Variants in APOBEC3F observed in about 807,000 individuals in gnomAD.
APOBEC3F encodes the protein DNA dC->dU-editing enzyme APOBEC-3F.
A neutral mutation model predicts 45.8 loss-of-function variants in APOBEC3F; 34 were observed. That is an observed-to-expected ratio of 0.74 (90% confidence interval 0.57 to 0.99). The LOEUF is 0.99. APOBEC3F is among the 50% of genes least tolerant of loss of function. The probability of loss-of-function intolerance (pLI) is 0.00; values close to 1 mark genes in which losing one functional copy is unlikely to be tolerated. For missense variants in APOBEC3F, 459 were observed against 474.1 expected, an observed-to-expected ratio of 0.97 and a Z score of 0.30; for synonymous variants, 192 against 174.4, an observed-to-expected ratio of 1.10 and a Z score of -0.80.
chr22:39,041,966 G>A (rs1282389751), intron 1 of APOBEC3F, among the ~76,000 whole-genome samples: 1 of 152,212 alleles, frequency 6.6e-6, no homozygotes, highest in Non-Finnish European at 1.5e-5. Context: ...AGAGAGTCTG[G>A]TCCCCAATGG....
At chr22:39,048,578 C>T (rs190258893) in intron 4 of APOBEC3F, among the ~76,000 whole-genome samples, 3 of 151,514 alleles carry the variant, frequency 2.0e-5, no homozygotes, top group Non-Finnish European at 4.4e-5. Flanking sequence ...GGGAGGCAGG[C>T]GGGCAGATCA....
rs747317370 is a variant in APOBEC3F, at chr22:39,044,221, G to C, written c.172-720G>C. The C allele has an allele frequency of 5.0e-6, 8 of 1,604,428 alleles. No homozygotes were observed. In the Admixed American group the frequency reaches 1.2e-4, roughly 24 times the overall value. On this transcript the variant is annotated intron_variant, in intron 2 of 6. Transcript: ENST00000308521. ...CAGGGAACAAGGCAGACCCTAGAGG[G>C]CCAGGCCACAGCAGGGGCTGAGGAT...
At chr22:39,047,262 ACCGGGTGGGGGGCGTC>A (rs1239698677) in intron 4 of APOBEC3F, among the ~76,000 whole-genome samples, 1 of 152,022 alleles carries the variant, frequency 6.6e-6, no homozygotes, top group Non-Finnish European at 1.5e-5. Flanking sequence ...CCACATAGCT[ACCGGGTGGGGGGCGTC>A]CCTGGGATGA....
intron 1 of APOBEC3F, among the ~76,000 whole-genome samples, chr22:39,042,502 G>A (rs963704476): frequency 1.3e-5 from 2 of 151,998 alleles, no homozygotes; most frequent in Admixed American, 6.6e-5. Context: ...AGTAGAGACT[G>A]GGTTTCACCA....
In APOBEC3F at chr22:39,054,211, C is replaced by T. The variant is rs1222053270; in HGVS notation, c.*1516C>T. ...TATTTTTCATAAAAACGGGTTTCAT[C>T]ATGTTTCCCAGGCTGGTCTTATTTT... On this transcript the variant is annotated 3_prime_UTR_variant, in exon 7 of 7. Transcript: ENST00000308521. Among the ~76,000 whole-genome samples, 2 of 151,830 alleles carry T rather than the reference C, an allele frequency of 1.3e-5. No homozygotes were observed. Among genetic ancestry groups the T allele is most frequent in the African/African-American group, 4.8e-5 (2 of 41,302 alleles).
rs952580604 is a variant in APOBEC3F at position 39,053,961 on chromosome 22, C to A, written c.*1266C>A. On this transcript the variant is annotated 3_prime_UTR_variant, in exon 7 of 7. Transcript: ENST00000308521. ...AGCAATGGAACCTCCCAGTTCCCAA[C>A]CCTTCCTAGTGCCCATGGGCTTTCC... 8.6e-5 allele frequency: 13 copies of A among 151,894 alleles called. No homozygotes were observed. The highest frequency in any genetic ancestry group is 2.9e-4 in the African/African-American group (12 of 41,168). The allele number at this position is 151,894 out of a possible 1,614,324, so 9.4% of individuals were successfully genotyped here. A position where few individuals can be genotyped will look rare whatever the true frequency, so the allele number is the denominator to read the frequency against.
Position 39,045,421 on chromosome 22 carries a change from G to C in APOBEC3F, c.452-7G>C, listed in dbSNP as rs773582164. The C allele has an allele frequency of 3.7e-6, 6 of 1,613,976 alleles. No homozygotes were observed. Among genetic ancestry groups the C allele is most frequent in the South Asian group, 1.1e-5 (1 of 91,086 alleles). ...GAGCCTGACTGCTTCCTGCCTCTTC[G>C]TCTCAGAATTTGCATACTGCTGGGA... On this transcript the variant is annotated splice_region_variant and splice_polypyrimidine_tract_variant and intron_variant, in intron 3 of 6. Coordinates refer to ENST00000308521, the MANE Select transcript of APOBEC3F (RefSeq NM_145298.6).
In APOBEC3F at chr22:39,054,955, C is replaced by T. The variant is rs1324291447; in HGVS notation, c.*2260C>T. Among the ~76,000 whole-genome samples the T allele has an allele frequency of 2.0e-5, 3 of 152,080 alleles. No individual in the cohort carries two copies. Among genetic ancestry groups the T allele is most frequent in the Non-Finnish European group, 2.9e-5 (2 of 68,020 alleles). ...TACAAGTCCAAGGTGGAGGGGTCGG[C>T]GGGGTTGTTTGCTCTGAGGCCGCTC... On this transcript the variant is annotated 3_prime_UTR_variant, in exon 7 of 7. Coordinates refer to ENST00000308521, the MANE Select transcript of APOBEC3F (RefSeq NM_145298.6).
intron 5 of APOBEC3F, among the ~76,000 whole-genome samples, chr22:39,051,562 G>T (rs1228526906): frequency 6.7e-6 from 1 of 149,816 alleles, no homozygotes; most frequent in African/African-American, 2.5e-5. Flanking sequence ...GAAAGAAAAA[G>T]AAAAGAAAAA....
chr22:39,048,230 G>A (rs543603183), intron 4 of APOBEC3F, among the ~76,000 whole-genome samples: 88 of 152,326 alleles, frequency 5.8e-4, no homozygotes, highest in Non-Finnish European at 5.9e-5. Context: ...GGCCCGGAAA[G>A]GGGCCCCAGC....
chr22:39,044,898 C>T, intron 2 of APOBEC3F, 43 bp from the exon 3 acceptor site: 1 of 1,573,552 alleles, frequency 6.4e-7, no homozygotes, highest in Non-Finnish European at 8.6e-7. Flanking sequence ...ACTCCTCCTG[C>T]TCCCCCTCTC....
In APOBEC3F at chr22:39,055,278, C is replaced by T. The variant is rs574989693; in HGVS notation, c.*2583C>T. 1.1e-3 allele frequency among the ~76,000 whole-genome samples: 171 copies of T among 151,830 alleles called. 2 individuals carry two copies. Among genetic ancestry groups the T allele is most frequent in the Non-Finnish European group, 1.7e-3 (116 of 67,956 alleles). On this transcript the variant is annotated 3_prime_UTR_variant, in exon 7 of 7. Coordinates refer to ENST00000308521, the MANE Select transcript of APOBEC3F (RefSeq NM_145298.6). ...GTAGAGACGGGGTTTCTCCATGTTGCTCAGGCTGGTCTTGAACTCATGAGC... is the reference window on the plus strand; with the variant it reads ...GTAGAGACGGGGTTTCTCCATGTTGTTCAGGCTGGTCTTGAACTCATGAGC...
rs956127460 is a variant in APOBEC3F at position 39,055,712 on chromosome 22, G to A, written c.*3017G>A. 7.2e-5 allele frequency among the ~76,000 whole-genome samples: 11 copies of A among 152,114 alleles called. No individual in the cohort carries two copies. The highest frequency in any genetic ancestry group is 1.7e-4 in the African/African-American group (7 of 41,424). ...TTAAAGATCAACTCCTGACCTGACC[G>A]CTTGTTTTATCTAAAGATTCCAGAC... On this transcript the variant is annotated 3_prime_UTR_variant, in exon 7 of 7. Coordinates refer to ENST00000308521, the MANE Select transcript of APOBEC3F (RefSeq NM_145298.6).
At chr22:39,046,763 C>T (rs561862825) in intron 4 of APOBEC3F, among the ~76,000 whole-genome samples, 1 of 152,164 alleles carries the variant, frequency 6.6e-6, no homozygotes, top group East Asian at 1.9e-4. Flanking sequence ...ATTACAGGCT[C>T]ATGCCACCAC....
chr22:39,044,113 C>G, intron 2 of APOBEC3F: 1 of 1,557,450 alleles, frequency 6.4e-7, no homozygotes, highest in Non-Finnish European at 8.7e-7. Context: ...AGCCCCATTT[C>G]AAGTGCTCAG....
At position 39,053,154 on chromosome 22, in the gene APOBEC3F, CTT is replaced by C. The variant is rs369896110; in HGVS notation, c.*471_*472del. On this transcript the variant is annotated 3_prime_UTR_variant, in exon 7 of 7. Coordinates refer to ENST00000308521, the MANE Select transcript of APOBEC3F (RefSeq NM_145298.6). ...GACGCCTGCCACCACGCACAGCTAA[CTT>C]TTTTTTTTTTTGTATTTTTAGTAGT... is the stretch of plus-strand genomic sequence containing the variant. The C allele has an allele frequency of 1.4e-5, 2 of 145,124 alleles. No individual in the cohort carries two copies. The highest frequency in any genetic ancestry group is 3.0e-5 in the Non-Finnish European group (2 of 65,760). The allele number at this position is 145,124 out of a possible 1,614,324, so 9.0% of individuals were successfully genotyped here.
intron 2 of APOBEC3F, chr22:39,044,202 A>G (rs1167196106): frequency 6.2e-7 from 1 of 1,610,542 alleles, no homozygotes; most frequent in Non-Finnish European, 8.5e-7. Context: ...CAGGCAGGGA[A>G]CAAGGCAGAC....
chr22:39,042,627 T>C (rs1245181190), intron 1 of APOBEC3F, among the ~76,000 whole-genome samples: 2 of 152,148 alleles, frequency 1.3e-5, no homozygotes, highest in East Asian at 1.9e-4. Context: ...CTTTGTTCTC[T>C]TTTGCATTTT....
At chr22:39,049,013 AAG>A (rs1569072078) in intron 4 of APOBEC3F, among the ~76,000 whole-genome samples, 1 of 151,748 alleles carries the variant, frequency 6.6e-6, no homozygotes, top group Non-Finnish European at 1.5e-5. Flanking sequence ...AAAAAACAAA[AAG>A]AGTAGCCTGG....
Sources: allele counts gnomAD v4.1 joint callset (sites outside exome capture counted in the v4.1 genomes callset), GRCh38; gene constraint gnomAD v4.1.1; transcripts MANE v1.5; gene names NCBI Gene and HGNC (gene_info 2026-07-23, HGNC 2026-07-21).